PCLO: variants seen among roughly 807,000 people sequenced by gnomAD.
PCLO encodes piccolo presynaptic cytomatrix protein, also known as protein piccolo.
A neutral mutation model predicts 427.5 loss-of-function variants in PCLO; 82 were observed. The ratio of observed to expected loss-of-function variants is 0.19; its 90% CI spans 0.16 to 0.23. The LOEUF is 0.23. PCLO is among the 10% of genes least tolerant of loss of function. PCLO has a pLI of 1.00. For missense variants in PCLO, 6,239 were observed against 6,115.9 expected, an observed-to-expected ratio of 1.02 and a Z score of -0.67; for synonymous variants, 2,357 against 2,155.4, an observed-to-expected ratio of 1.09 and a Z score of -2.59.
intron 9 of PCLO, among the ~76,000 whole-genome samples, chr7:82,883,176 G>C (rs966969013): frequency 6.6e-6 from 1 of 151,958 alleles, no homozygotes; most frequent in East Asian, 1.9e-4. Context: ...GCGTAGTTCA[G>C]TCATGTCATT....
chr7:82,990,943 CATTT>C (rs892370192), intron 3 of PCLO, among the ~76,000 whole-genome samples: 2 of 152,206 alleles, frequency 1.3e-5, no homozygotes, highest in East Asian at 1.9e-4. Flanking sequence ...AATTGATATT[CATTT>C]ATTTCTTACT....
chr7:82,799,592 T>G (rs1453833082), intron 22 of PCLO, among the ~76,000 whole-genome samples: 4 of 152,164 alleles, frequency 2.6e-5, no homozygotes, highest in Non-Finnish European at 5.9e-5. Flanking sequence ...TTCCTTCCTT[T>G]CTTCTCAGAG....
In PCLO at chr7:83,162,846, A is replaced by G. The variant is rs1792484814; in HGVS notation, c.-254T>C. 1 of 520,186 alleles carries G rather than the reference A, an allele frequency of 1.9e-6. No homozygotes were observed. Among genetic ancestry groups the G allele is most frequent in the Non-Finnish European group, 3.3e-6 (1 of 300,214 alleles). 32.2% of individuals were successfully genotyped at this position (520,186 alleles called of 1,614,324 possible). A position where few individuals can be genotyped will look rare whatever the true frequency, so the allele number is the denominator to read the frequency against. The stretch of plus-strand genomic sequence containing the variant: ...AACCTTTGCAGAAGACACCTCCCGG[A>G]CGCCGCCTCGGCGCCCCGAGCCGGG... On this transcript the variant is annotated 5_prime_UTR_variant, in exon 1 of 25. Coordinates refer to ENST00000333891, the MANE Select transcript of PCLO (RefSeq NM_033026.6).
chr7:82,965,166 A>T (rs1172752021), intron 4 of PCLO, among the ~76,000 whole-genome samples: 1 of 152,172 alleles, frequency 6.6e-6, no homozygotes, highest in African/African-American at 2.4e-5. Flanking sequence ...ATAACCTTTC[A>T]ATATTAAACA....
At chr7:83,160,027 T>C (rs1792393657) in intron 1 of PCLO, among the ~76,000 whole-genome samples, 1 of 152,100 alleles carries the variant, frequency 6.6e-6, no homozygotes, top group Non-Finnish European at 1.5e-5. Flanking sequence ...CCAAAAACAA[T>C]GTACAATTCA....
At chr7:82,769,242 A>G (rs1790595860) in intron 22 of PCLO, among the ~76,000 whole-genome samples, 1 of 152,158 alleles carries the variant, frequency 6.6e-6, no homozygotes, top group Non-Finnish European at 1.5e-5. Context: ...GAAAGAGGAG[A>G]TGGCATAGTA....
chr7:82,960,506 G>A (rs1179779812), intron 4 of PCLO, among the ~76,000 whole-genome samples: 1 of 152,134 alleles, frequency 6.6e-6, no homozygotes, highest in East Asian at 1.9e-4. Flanking sequence ...GTTTCTATGA[G>A]GAGAGTATTT....
intron 6 of PCLO, among the ~76,000 whole-genome samples, chr7:82,919,207 G>A (rs1794539692): frequency 6.6e-6 from 1 of 151,918 alleles, no homozygotes. Flanking sequence ...TGCACATTCT[G>A]CACATGTATC....
intron 3 of PCLO, among the ~76,000 whole-genome samples, chr7:83,005,245 A>G (rs1228705247): frequency 1.3e-5 from 2 of 151,718 alleles, no homozygotes; most frequent in African/African-American, 4.8e-5. Context: ...TTAAAAATGA[A>G]GAGAATCGTG....
intron 6 of PCLO, among the ~76,000 whole-genome samples, chr7:82,927,567 G>T (rs764535946): frequency 2.0e-5 from 3 of 152,082 alleles, no homozygotes; most frequent in Non-Finnish European, 4.4e-5. Context: ...CTTTACTGAT[G>T]ATTATACGGC....
At chr7:82,818,412 G>A (rs913819996) in intron 20 of PCLO, among the ~76,000 whole-genome samples, 2 of 152,132 alleles carry the variant, frequency 1.3e-5, no homozygotes, top group African/African-American at 4.8e-5. Flanking sequence ...TACAAACATT[G>A]CCTAATGCCT....
Position 82,966,075 on chromosome 7 carries a change from T to C in PCLO, c.3713A>G (p.Glu1238Gly), listed in dbSNP as rs768617569. Residue 1238 changes from glutamate (E) to glycine (G), a missense_variant, in exon 4 of 25, where the codon GAA becomes GGA. Glu to Gly is a moderately conservative substitution (Grantham distance 98). Coordinates refer to ENST00000333891, the MANE Select transcript of PCLO (RefSeq NM_033026.6). Reference sequence around the variant, plus strand: ...TTTGTCTTCAGGGGTTGGCTTTTTTTCTTCTAGGAGTGGCTTTTTTTCTTC... The same window carrying C: ...TTTGTCTTCAGGGGTTGGCTTTTTTCCTTCTAGGAGTGGCTTTTTTTCTTC... ...RSEEKKPLLE[E>G]KKPTPEDKKL... 1.9e-5 allele frequency: 30 copies of C among 1,613,076 alleles called. No individual in the cohort carries two copies. Among genetic ancestry groups the C allele is most frequent in the Middle Eastern group, 1.6e-4 (1 of 6,078 alleles).
chr7:82,883,569 TCA>T (rs1333727867), intron 9 of PCLO, among the ~76,000 whole-genome samples: 1 of 152,088 alleles, frequency 6.6e-6, no homozygotes, highest in Non-Finnish European at 1.5e-5. Flanking sequence ...TGTACATCAA[TCA>T]CCTTAATAAC....
Position 83,155,647 on chromosome 7 carries a change from G to C in PCLO, c.994C>G (p.Pro332Ala). The change falls in exon 2 of 25, where the codon CCA becomes GCA. Residue 332 changes from proline (P) to alanine (A), a missense_variant. Pro to Ala is a conservative substitution (Grantham distance 27). Coordinates refer to ENST00000333891, the MANE Select transcript of PCLO (RefSeq NM_033026.6). ...TTTGTTAGCCCTGAGGGCTGAGCTG[G>C]GGGCTTTGCAGGCCCAGGCTGTGAT... ...EKSQPGPAKP[P>A]AQPSGLTKPL... 3 of 1,612,948 alleles carry C rather than the reference G, an allele frequency of 1.9e-6. No homozygotes were observed. The highest frequency in any genetic ancestry group is 2.5e-6 in the Non-Finnish European group (3 of 1,179,624).
intron 10 of PCLO, among the ~76,000 whole-genome samples, chr7:82,865,027 T>C (rs1159516239): frequency 6.6e-6 from 1 of 152,120 alleles, no homozygotes; most frequent in Non-Finnish European, 1.5e-5. Flanking sequence ...TTTGTTCTCA[T>C]AAATAAAGTG....
rs529909914 is a variant in PCLO at position 82,954,192 on chromosome 7, T to C, written c.6761A>G (p.Asp2254Gly). 6 of 1,613,490 alleles carry C rather than the reference T, an allele frequency of 3.7e-6. No individual in the cohort carries two copies. Among genetic ancestry groups the C allele is most frequent in the Middle Eastern group, 1.7e-4 (1 of 6,058 alleles). The change falls in exon 5 of 25, where the codon GAT becomes GGT. Residue 2254 changes from aspartate (D) to glycine (G), a missense_variant. Transcript: ENST00000333891. ...SVSLDRTAPPDGRASADHIVI... is the reference protein window; with the variant it reads ...SVSLDRTAPPGGRASADHIVI... Reference sequence around the variant, plus strand: ...AATATGATCAGCACTAGCTCTACCATCTGGTGGGGCAGTCCGATCTAAAGA... The same window carrying C: ...AATATGATCAGCACTAGCTCTACCACCTGGTGGGGCAGTCCGATCTAAAGA...
chr7:82,970,262 A>C (rs1195377482), intron 3 of PCLO, among the ~76,000 whole-genome samples: 1 of 152,058 alleles, frequency 6.6e-6, no homozygotes, highest in African/African-American at 2.4e-5. Flanking sequence ...AATTATTCCC[A>C]AATAAATGAC....
intron 3 of PCLO, among the ~76,000 whole-genome samples, chr7:83,010,586 T>A (rs1034698714): frequency 4.0e-5 from 6 of 150,142 alleles, no homozygotes; most frequent in African/African-American, 1.2e-4. Context: ...TATAAAATAA[T>A]TATATTTTAA....
intron 3 of PCLO, among the ~76,000 whole-genome samples, chr7:82,992,018 C>CA (rs1209788348): frequency 6.6e-6 from 1 of 151,892 alleles, no homozygotes. Context: ...TTGCCTATGT[C>CA]AAAAAAACAT....
Sources: gnomAD v4.1 joint callset for allele counts (sites outside exome capture counted in the v4.1 genomes callset) on GRCh38, gnomAD v4.1.1 for gene constraint, MANE v1.5 for transcripts, NCBI Gene and HGNC (gene_info 2026-07-23, HGNC 2026-07-21) for gene names.